The following DOCK9 variants were observed in gnomAD, a reference collection of about 807,000 sequenced individuals.
DOCK9 encodes dedicator of cytokinesis 9.
A neutral mutation model predicts 263.3 loss-of-function variants in DOCK9; 89 were observed. The ratio of observed to expected loss-of-function variants is 0.34; its 90% CI spans 0.28 to 0.40. The LOEUF is 0.40. Ranked by LOEUF, DOCK9 falls within the 10% of genes least tolerant of loss-of-function variation. The probability of loss-of-function intolerance (pLI) is 1.00; values close to 1 mark genes in which losing one functional copy is unlikely to be tolerated. For missense variants in DOCK9, 2,140 were observed against 2,603.4 expected (o/e 0.82, Z 3.87); for synonymous variants, 976 against 973.1 (o/e 1.00, Z -0.06).
intron 52 of DOCK9, chr13:98,796,319 G>A: frequency 1.1e-6 from 1 of 939,924 alleles, no homozygotes; most frequent in Non-Finnish European, 1.7e-6. Flanking sequence ...TCAGGGGATA[G>A]GATCACTCCA....
At chr13:99,070,784 T>C (rs144248198) in intron 1 of DOCK9, among the ~76,000 whole-genome samples, 2 of 152,350 alleles carry the variant, frequency 1.3e-5, no homozygotes, top group East Asian at 1.9e-4. Flanking sequence ...TGGCAAGAAC[T>C]ATCCCCCTAG....
chr13:98,805,656 G>C (rs1457021522), intron 48 of DOCK9, among the ~76,000 whole-genome samples: 3 of 152,078 alleles, frequency 2.0e-5, no homozygotes, highest in Non-Finnish European at 4.4e-5. Flanking sequence ...ATTTGTGTTT[G>C]GATCAGAATC....
At chr13:98,873,090 C>T (rs1355374229) in intron 27 of DOCK9, among the ~76,000 whole-genome samples, 1 of 151,934 alleles carries the variant, frequency 6.6e-6, no homozygotes, top group East Asian at 1.9e-4. Context: ...AAGACGCTTC[C>T]TTCCTTCTCT....
chr13:98,987,274 A>T (rs9517525), intron 1 of DOCK9, among the ~76,000 whole-genome samples: 82,701 of 152,088 alleles, frequency 0.54, 22,757 homozygotes, highest in South Asian at 0.68. Context: ...AATATATACA[A>T]TTATTTGTCA....
chr13:98,904,535 C>T lies in DOCK9; in HGVS notation c.1035+97G>A, dbSNP rs543133370. 7.4e-5 allele frequency: 73 copies of T among 984,108 alleles called. 1 individual carries two copies. In the African/African-American group the frequency reaches 1.2e-3, roughly 16 times the overall value. 61.0% of individuals were successfully genotyped at this position (984,108 alleles called of 1,614,324 possible). A position where few individuals can be genotyped will look rare whatever the true frequency, so the allele number is the denominator to read the frequency against. ...TTCTATAGTTATTTTGCTTGTTTTT[C>T]CAAAATAAACAAAGCAAACAAATAA... On this transcript the variant is annotated intron_variant, in intron 10 of 52. Coordinates refer to ENST00000682017, the MANE Select transcript of DOCK9 (RefSeq NM_001366683.2).
intron 35 of DOCK9, among the ~76,000 whole-genome samples, chr13:98,853,120 T>C (rs544246229): frequency 9.5e-4 from 145 of 152,358 alleles, no homozygotes; most frequent in African/African-American, 3.4e-3. Flanking sequence ...TTAGTTAAGA[T>C]GGCAGGTCCC....
At chr13:98,818,022 C>G (rs189632609) in intron 45 of DOCK9, among the ~76,000 whole-genome samples, 1 of 152,092 alleles carries the variant, frequency 6.6e-6, no homozygotes, top group Non-Finnish European at 1.5e-5. Context: ...CCAAATATCA[C>G]TTATTATTAT....
intron 1 of DOCK9, among the ~76,000 whole-genome samples, chr13:99,026,834 G>C (rs528035774): frequency 6.6e-6 from 1 of 152,238 alleles, no homozygotes; most frequent in East Asian, 1.9e-4. Context: ...CAACAATGTA[G>C]GAGATTTAAA....
intron 1 of DOCK9, among the ~76,000 whole-genome samples, chr13:98,990,542 T>C (rs1879560760): frequency 6.6e-6 from 1 of 152,210 alleles, no homozygotes; most frequent in African/African-American, 2.4e-5. Context: ...TCTTCATTAA[T>C]TTGGGGAAAA....
At chr13:98,885,917 GCATAAA>G in intron 19 of DOCK9, 86 bp from the exon 20 acceptor site, 2 of 1,241,284 alleles carry the variant, frequency 1.6e-6, no homozygotes, top group Non-Finnish European at 2.2e-6. Flanking sequence ...GTTACCCAAC[GCATAAA>G]CGTGCACTTG....
chr13:98,930,212 G>A lies in DOCK9; in HGVS notation c.289C>T (p.Pro97Ser). The A allele has an allele frequency of 6.2e-7, 1 of 1,612,120 alleles. No homozygotes were observed. ...TGTGCTTCCTCTTCCGCCTTCGCAG[G>A]CACTGTTGAGCATATGTATCGACCC... is the stretch of plus-strand genomic sequence containing the variant. ...RQGRYICSTV[P>S]AKAEEEAQSL... Residue 97 changes from proline (P) to serine (S), a missense_variant, in exon 3 of 53, where the codon CCT (proline) becomes TCT (serine). This residue lies in a region of DOCK9 where 1,521 missense variants were observed against 1,741.7 expected (regional missense o/e 0.87). Coordinates refer to ENST00000682017, the MANE Select transcript of DOCK9 (RefSeq NM_001366683.2).
At chr13:99,076,198 C>T (rs9557134) in intron 1 of DOCK9, among the ~76,000 whole-genome samples, 42,415 of 152,078 alleles carry the variant, frequency 0.28, 6,293 homozygotes, top group East Asian at 0.43. Flanking sequence ...CATCCACGTG[C>T]TCCTTGCAAA....
intron 1 of DOCK9, among the ~76,000 whole-genome samples, chr13:99,079,913 G>A (rs1031397629): frequency 3.9e-5 from 6 of 152,248 alleles, no homozygotes; most frequent in East Asian, 1.9e-4. Context: ...GGTGGCACAC[G>A]CCTGTAATTC....
intron 33 of DOCK9, chr13:98,858,158 T>C (rs2093754314): frequency 6.6e-6 from 1 of 152,218 alleles, no homozygotes; most frequent in Admixed American, 6.5e-5. Flanking sequence ...TATGTCTTTG[T>C]GTATGTGTTT....
chr13:98,811,755 T>A (rs533168803), intron 45 of DOCK9, among the ~76,000 whole-genome samples: 1 of 152,380 alleles, frequency 6.6e-6, no homozygotes, highest in Admixed American at 6.5e-5. Context: ...CAGAAGTTTT[T>A]AATTGTAAAC....
intron 1 of DOCK9, among the ~76,000 whole-genome samples, chr13:99,080,309 C>T (rs774261657): frequency 7.2e-5 from 11 of 152,144 alleles, no homozygotes; most frequent in Non-Finnish European, 1.0e-4. Flanking sequence ...GTCACACCTC[C>T]CATCCCATTC....
chr13:98,868,274 T>G lies in DOCK9; in HGVS notation c.3047A>C (p.Glu1016Ala). 6.2e-7 allele frequency: 1 copy of G among 1,613,984 alleles called. No homozygotes were observed. Among genetic ancestry groups the G allele is most frequent in the Non-Finnish European group, 8.5e-7 (1 of 1,179,880 alleles). ...HITQKFRDNP[E>A]ASKNANHSLA... ...GCTATGATTCGCGTTCTTAGATGCCTCTGGATTATCTCGAAACTTCTGAGT... is the reference window on the plus strand; with the variant it reads ...GCTATGATTCGCGTTCTTAGATGCCGCTGGATTATCTCGAAACTTCTGAGT... The change falls in exon 28 of 53, where the codon GAG becomes GCG. Residue 1016 changes from glutamate to alanine, a missense_variant. Coordinates refer to ENST00000682017, the MANE Select transcript of DOCK9 (RefSeq NM_001366683.2).
chr13:98,961,555 C>A (rs1010736152), intron 1 of DOCK9, among the ~76,000 whole-genome samples: 4 of 152,226 alleles, frequency 2.6e-5, no homozygotes, highest in Non-Finnish European at 5.9e-5. Context: ...CCCTCCTCCC[C>A]ACAAAGGTGG....
chr13:99,078,728 T>A (rs1297675558), intron 1 of DOCK9, among the ~76,000 whole-genome samples: 1 of 152,190 alleles, frequency 6.6e-6, no homozygotes, highest in Non-Finnish European at 1.5e-5. Context: ...AGCTCAAATA[T>A]ACAACAGGAA....
Sources: allele counts gnomAD v4.1 joint callset (sites outside exome capture counted in the v4.1 genomes callset), GRCh38; gene constraint gnomAD v4.1.1; regional missense constraint gnomAD v4.1.1; transcripts MANE v1.5; gene names NCBI Gene and HGNC (gene_info 2026-07-23, HGNC 2026-07-21).